The following UNK variants were observed in gnomAD, a reference collection of about 807,000 sequenced individuals.
UNK encodes unk zinc finger.
UNK carries 32 observed loss-of-function variants against 97.6 expected under a neutral mutation model. The ratio of observed to expected loss-of-function variants is 0.33; its 90% CI spans 0.25 to 0.44. The LOEUF (loss-of-function observed/expected upper bound fraction) is 0.44, where lower values mean the gene tolerates loss of function less well. Among genes scored for constraint, UNK ranks in the 20% least tolerant of loss-of-function variants. UNK has a pLI of 1.00. For missense variants in UNK, 771 were observed against 1,098.4 expected (o/e 0.70, Z 4.21); for synonymous variants, 441 against 461.2 (o/e 0.96, Z 0.56).
intron 1 of UNK, among the ~76,000 whole-genome samples, chr17:75,809,194 G>A (rs963328032): frequency 5.3e-5 from 8 of 152,268 alleles, no homozygotes; most frequent in East Asian, 1.9e-4. Flanking sequence ...GGGCGGAGGC[G>A]GGCAGACAGG....
chr17:75,788,604 G>C (rs879715787), intron 1 of UNK, among the ~76,000 whole-genome samples: 1 of 152,076 alleles, frequency 6.6e-6, no homozygotes, highest in Non-Finnish European at 1.5e-5. Context: ...TGCCCGCCTC[G>C]GCCTCCCAAA....
intron 1 of UNK, chr17:75,791,675 C>T (rs1362976736): frequency 2.1e-6 from 2 of 946,524 alleles, no homozygotes; most frequent in Non-Finnish European, 2.5e-6. Flanking sequence ...GATTCTTAAA[C>T]TTAACACCTA....
intron 1 of UNK, among the ~76,000 whole-genome samples, chr17:75,799,065 C>T (rs181749464): frequency 6.9e-6 from 1 of 145,884 alleles, no homozygotes; most frequent in East Asian, 2.0e-4. Flanking sequence ...GACTCCATCT[C>T]AAAAACAAAA....
chr17:75,822,459 T>A lies in UNK; in HGVS notation c.1838-18T>A, dbSNP rs781574996. 27 of 1,597,258 alleles carry A rather than the reference T, an allele frequency of 1.7e-5. 1 individual carries two copies. In the South Asian group the frequency reaches 3.0e-4, roughly 18 times the overall value. Reference sequence around the variant, plus strand: ...CCAAAGCCCTCCGGAGCTGATGTTCTTCCCCTCCTTGGGGCAGGTCTGAAC... The same window carrying A: ...CCAAAGCCCTCCGGAGCTGATGTTCATCCCCTCCTTGGGGCAGGTCTGAAC... On this transcript the variant is annotated intron_variant, in intron 13 of 15. Transcript: ENST00000589666.
Position 75,824,242 on chromosome 17 carries a change from C to T in UNK, c.2278-20C>T, listed in dbSNP as rs763801990. 2.6e-5 allele frequency: 41 copies of T among 1,569,242 alleles called. No individual in the cohort carries two copies. The South Asian group carries it at 3.3e-4, about 13-fold the overall frequency. The stretch of plus-strand genomic sequence containing the variant: ...GGGCCAGACCCATGGATGGTGACCA[C>T]GATGCCCCTTTCCCTGCAGGCCGTG... On this transcript the variant is annotated intron_variant, in intron 15 of 15. Transcript: ENST00000589666. The surrounding 1 kb of genome is among the most constrained non-coding windows in gnomAD (Gnocchi z 4.9).
chr17:75,802,242 C>CTTTTTTTTTTTT lies in UNK; in HGVS notation c.105-7495_105-7484dup, dbSNP rs56221993. ...TGATGGATTTTTTCAGCACAGATGT[C>CTTTTTTTTTTTT]TTTTTTTTTTTTTTTTTTTTTTTTT... On this transcript the variant is annotated intron_variant, in intron 1 of 15. Transcript: ENST00000589666. Among the ~76,000 whole-genome samples, 15 of 47,260 alleles carry CTTTTTTTTTTTT rather than the reference C, an allele frequency of 3.2e-4. 3 individuals are homozygous for CTTTTTTTTTTTT. Among genetic ancestry groups the CTTTTTTTTTTTT allele is most frequent in the East Asian group, 1.8e-3 (2 of 1,094 alleles). 31.0% of individuals were successfully genotyped at this position (47,260 alleles called of 152,430 possible). A position where few individuals can be genotyped will look rare whatever the true frequency, so the allele number is the denominator to read the frequency against.
chr17:75,788,643 C>T (rs957541601), intron 1 of UNK, among the ~76,000 whole-genome samples: 3 of 152,060 alleles, frequency 2.0e-5, no homozygotes, highest in African/African-American at 4.8e-5. Context: ...TGAGCCACCG[C>T]GCCCAGCCAC....
Position 75,825,222 on chromosome 17 carries a change from G to T in UNK, c.*805G>T, listed in dbSNP as rs1469411246. ...TCCTTCCCCCCGCCGCCCCTCCCCG[G>T]ACTCCCCACAAGAGCCTCCCTGGCC... On this transcript the variant is annotated 3_prime_UTR_variant, in exon 16 of 16. Coordinates refer to ENST00000589666, the MANE Select transcript of UNK (RefSeq NM_001080419.3). The surrounding 1 kb of genome is among the most constrained non-coding windows in gnomAD (Gnocchi z 4.4). 6 of 151,850 alleles carry T rather than the reference G, an allele frequency of 4.0e-5. No homozygotes were observed. Among genetic ancestry groups the T allele is most frequent in the African/African-American group, 1.5e-4 (6 of 41,344 alleles). 9.4% of individuals were successfully genotyped at this position (151,850 alleles called of 1,614,324 possible). A position where few individuals can be genotyped will look rare whatever the true frequency, so the allele number is the denominator to read the frequency against.
rs530184045 is a variant in UNK, at chr17:75,802,958, C to T, written c.105-6802C>T. On this transcript the variant is annotated intron_variant, in intron 1 of 15. Coordinates refer to ENST00000589666, the MANE Select transcript of UNK (RefSeq NM_001080419.3). The stretch of plus-strand genomic sequence containing the variant: ...TGGCCAACATGGTGAAACCTCGTCT[C>T]TACTAAAAATACAAAAATTACAGGC... Among the ~76,000 whole-genome samples the T allele has an allele frequency of 8.2e-3, 1,108 of 135,466 alleles. 45 individuals are homozygous for T. The highest frequency in any genetic ancestry group is 0.033 in the African/African-American group (1,034 of 31,356). The allele number at this position is 135,466 out of a possible 152,430, so 88.9% of individuals were successfully genotyped here.
intron 1 of UNK, 81 bp downstream of exon 1, chr17:75,785,065 G>T: frequency 2.9e-6 from 3 of 1,024,452 alleles, no homozygotes; most frequent in Non-Finnish European, 4.1e-6. Context: ...CAGGGAGAGC[G>T]CGAGGCGGCC....
intron 1 of UNK, chr17:75,785,853 T>C (rs560087276): frequency 2.6e-5 from 4 of 151,966 alleles, no homozygotes; most frequent in Admixed American, 1.3e-4. Context: ...TCCCTGATGC[T>C]CTGTGAATGC....
Position 75,817,538 on chromosome 17 carries a change from G to T in UNK, c.1305+12G>T, listed in dbSNP as rs748196539. ...ATTTCAAATGCCAGGTAAGGGATGA[G>T]GGAGGCAGCAGTGAGGTTAGCCTTC... On this transcript the variant is annotated intron_variant, in intron 9 of 15. Transcript: ENST00000589666. This position sits in a 1 kb window ranked among gnomAD's most constrained non-coding sequence, Gnocchi z 5.8. 2 of 1,596,534 alleles carry T rather than the reference G, an allele frequency of 1.3e-6. No homozygotes were observed. Among genetic ancestry groups the T allele is most frequent in the South Asian group, 1.1e-5 (1 of 89,456 alleles).
chr17:75,807,954 A>C (rs2061934020), intron 1 of UNK, among the ~76,000 whole-genome samples: 1 of 152,208 alleles, frequency 6.6e-6, no homozygotes, highest in African/African-American at 2.4e-5. Context: ...TTAGGCTAAA[A>C]TATTATTCAT....
At position 75,817,915 on chromosome 17, in the gene UNK, G is replaced by C. The variant is rs1338855699; in HGVS notation, c.1306-188G>C. Among the ~76,000 whole-genome samples, 3 of 152,088 alleles carry C rather than the reference G, an allele frequency of 2.0e-5. No homozygotes were observed. The highest frequency in any genetic ancestry group is 4.4e-5 in the Non-Finnish European group (3 of 67,994). ...GCCTAGTGTCACCGGGAGGAGAAGG[G>C]CAGCTCCCTGCTTAGGGTAGGGGAA... On this transcript the variant is annotated intron_variant, in intron 9 of 15. Coordinates refer to ENST00000589666, the MANE Select transcript of UNK (RefSeq NM_001080419.3). This position sits in a 1 kb window ranked among gnomAD's most constrained non-coding sequence, Gnocchi z 5.8.
chr17:75,793,076 T>G (rs904127729), intron 1 of UNK, among the ~76,000 whole-genome samples: 1 of 152,232 alleles, frequency 6.6e-6, no homozygotes, highest in Non-Finnish European at 1.5e-5. Context: ...AAATACGTAT[T>G]CAGAAAACAA....
chr17:75,822,595 A>C lies in UNK; in HGVS notation c.1956A>C (p.Gln652His), dbSNP rs1375318286. 3 of 1,613,246 alleles carry C rather than the reference A, an allele frequency of 1.9e-6. No homozygotes were observed. In the East Asian group the frequency reaches 6.7e-5, roughly 36 times the overall value. Residue 652 changes from glutamine to histidine, a missense_variant, in exon 14 of 16, where the codon CAA becomes CAC. Around this residue, in one of 5 missense-constraint regions of UNK, gnomAD observed 208 missense variants for 257.4 expected, o/e 0.81. Transcript: ENST00000589666. Reference protein sequence around the residue: ...PGAAELARLRQELDEANSTIK... With the variant: ...PGAAELARLRHELDEANSTIK... ...CTGCCGAGCTGGCCCGACTTCGGCA[A>C]GAGCTGGATGAAGCCAACAGCACCA...
In UNK at chr17:75,818,605, C is replaced by T. The variant is rs749324832; in HGVS notation, c.1372-37C>T. On this transcript the variant is annotated intron_variant, in intron 10 of 15. Transcript: ENST00000589666. This position sits in a 1 kb window ranked among gnomAD's most constrained non-coding sequence, Gnocchi z 5.1. ...TCTCGTCCTGGCCTCCGTATGCAGGCCTACCATTGCTTCTCCTCTTCCCTC... is the reference window on the plus strand; with the variant it reads ...TCTCGTCCTGGCCTCCGTATGCAGGTCTACCATTGCTTCTCCTCTTCCCTC... 19 of 1,559,626 alleles carry T rather than the reference C, an allele frequency of 1.2e-5. No homozygotes were observed. The Admixed American group carries it at 3.5e-4, about 29-fold the overall frequency.
At position 75,813,373 on chromosome 17, in the gene UNK, T is replaced by G. The variant is rs180874498; in HGVS notation, c.758+160T>G. On this transcript the variant is annotated intron_variant, in intron 5 of 15. Coordinates refer to ENST00000589666, the MANE Select transcript of UNK (RefSeq NM_001080419.3). The stretch of plus-strand genomic sequence containing the variant: ...CAGGGGAGGGCATAGTGAGGATAGC[T>G]GGACAGTAGGAGCCCAGCTTCACCT... 1.2e-4 allele frequency among the ~76,000 whole-genome samples: 19 copies of G among 152,274 alleles called. No homozygotes were observed. In the East Asian group the frequency reaches 3.7e-3, roughly 29 times the overall value.
rs1007481507 is a variant in UNK at position 75,818,378 on chromosome 17, C to A, written c.1371+210C>A. ...CTCAGTGGAGAAGGTGTTCCTGGAG[C>A]CTCTGCACTCTGCCAGGCCCTGTAC... On this transcript the variant is annotated intron_variant, in intron 10 of 15. Coordinates refer to ENST00000589666, the MANE Select transcript of UNK (RefSeq NM_001080419.3). The surrounding 1 kb of genome is among the most constrained non-coding windows in gnomAD (Gnocchi z 5.1). 3.3e-5 allele frequency among the ~76,000 whole-genome samples: 5 copies of A among 152,174 alleles called. No homozygotes were observed. Among genetic ancestry groups the A allele is most frequent in the African/African-American group, 1.2e-4 (5 of 41,446 alleles).
Sources: allele counts gnomAD v4.1 joint callset (sites outside exome capture counted in the v4.1 genomes callset), GRCh38; gene constraint gnomAD v4.1.1; regional missense constraint gnomAD v4.1.1; non-coding constraint Gnocchi (gnomAD v3.1); transcripts MANE v1.5; gene names NCBI Gene and HGNC (gene_info 2026-07-23, HGNC 2026-07-21).